TRPM8: variants seen among roughly 807,000 people sequenced by gnomAD.
The protein encoded by TRPM8 is transient receptor potential cation channel subfamily M member 8, also known as TRPM8 cationic channel.
In TRPM8, 110 loss-of-function variants were observed where a neutral mutation model predicts 133.7. That is an observed-to-expected ratio of 0.82 (90% confidence interval 0.70 to 0.96). The LOEUF (loss-of-function observed/expected upper bound fraction) is 0.96, where lower values mean the gene tolerates loss of function less well. Ranked by LOEUF, TRPM8 falls within the 40% of genes least tolerant of loss-of-function variation. TRPM8 has a pLI of 0.00. For synonymous variants in TRPM8, 535 were observed against 532.3 expected (o/e 1.01, Z -0.07); for missense variants, 1,291 against 1,379.5 (o/e 0.94, Z 1.02).
rs543629270 is a variant in TRPM8 at position 234,000,739 on chromosome 2, C to T, written c.3130+4223C>T. Among the ~76,000 whole-genome samples, 28 of 151,184 alleles carry T rather than the reference C, an allele frequency of 1.9e-4. No individual in the cohort carries two copies. In the South Asian group the frequency reaches 5.4e-3, roughly 29 times the overall value. On this transcript the variant is annotated intron_variant, in intron 22 of 25. Coordinates refer to ENST00000324695, the MANE Select transcript of TRPM8 (RefSeq NM_024080.5). Reference sequence around the variant, plus strand: ...TGTCCCCCAGGCTGGAGTGCAGTGGCGCAGTCTCGGCTCTCTGAAACCTCC... The same window carrying T: ...TGTCCCCCAGGCTGGAGTGCAGTGGTGCAGTCTCGGCTCTCTGAAACCTCC...
chr2:233,987,654 C>T (rs149485596), intron 21 of TRPM8, among the ~76,000 whole-genome samples: 1 of 152,308 alleles, frequency 6.6e-6, no homozygotes, highest in East Asian at 1.9e-4. Flanking sequence ...AGTGATGTTT[C>T]TAAAACATCA....
chr2:233,942,498 A>G (rs1324293377), intron 5 of TRPM8, 78 bp from the exon 6 acceptor site: 3 of 1,468,522 alleles, frequency 2.0e-6, no homozygotes, highest in Non-Finnish European at 2.9e-6. Context: ...TGGGGCCTTT[A>G]TTTTAGGGGT....
chr2:233,953,810 T>C lies in TRPM8; in HGVS notation c.1141-107T>C, dbSNP rs1213166755. ...CAGAAATGAGAAGCTGATCCGGAAC[T>C]CCACTACAGGTGGTCTTTTTAAAAA... On this transcript the variant is annotated intron_variant, in intron 9 of 25. Coordinates refer to ENST00000324695, the MANE Select transcript of TRPM8 (RefSeq NM_024080.5). 7.8e-5 allele frequency: 56 copies of C among 718,132 alleles called. 1 individual carries two copies. 44.5% of individuals were successfully genotyped at this position (718,132 alleles called of 1,614,324 possible).
At position 233,985,737 on chromosome 2, in the gene TRPM8, G is replaced by T. The variant is rs1692130563; in HGVS notation, c.2811G>T (p.Lys937Asn). 1 of 1,614,096 alleles carries T rather than the reference G, an allele frequency of 6.2e-7. No homozygotes were observed. Among genetic ancestry groups the T allele is most frequent in the Non-Finnish European group, 8.5e-7 (1 of 1,180,054 alleles). The change falls in exon 21 of 26, where the codon AAG (lysine) becomes AAT (asparagine). Residue 937 changes from lysine (K) to asparagine (N), a missense_variant. By Grantham distance (94) the Lys-to-Asn change is moderately conservative. This residue lies in a region of TRPM8 where 328 missense variants were observed against 410.6 expected (regional missense o/e 0.80). Coordinates refer to ENST00000324695, the MANE Select transcript of TRPM8 (RefSeq NM_024080.5). Reference protein sequence around the residue: ...AHCTFTGNESKPLCVELDEHN... With the variant: ...AHCTFTGNESNPLCVELDEHN... Reference sequence around the variant, plus strand: ...GCACCTTCACTGGGAATGAGTCCAAGCCACTGTGTGTGGAGCTGGATGAGC... The same window carrying T: ...GCACCTTCACTGGGAATGAGTCCAATCCACTGTGTGTGGAGCTGGATGAGC...
At chr2:233,974,285 G>T (rs1309848846) in intron 17 of TRPM8, among the ~76,000 whole-genome samples, 1 of 152,102 alleles carries the variant, frequency 6.6e-6, no homozygotes, top group Middle Eastern at 3.2e-3. Flanking sequence ...CCGGGCTGGA[G>T]TGCAATGGCG....
intron 12 of TRPM8, among the ~76,000 whole-genome samples, chr2:233,961,630 CTTTTTT>C (rs57935574): frequency 9.0e-6 from 1 of 111,662 alleles, no homozygotes; most frequent in South Asian, 2.8e-4. Flanking sequence ...CTTTTCTTTT[CTTTTTT>C]TTTTTTTTTT....
At chr2:233,956,494 C>T (rs148541583) in intron 11 of TRPM8, among the ~76,000 whole-genome samples, 11 of 152,238 alleles carry the variant, frequency 7.2e-5, no homozygotes, top group African/African-American at 2.4e-4. Flanking sequence ...TTTTATAAGG[C>T]TGCTTCTTTG....
chr2:233,941,342 G>A (rs549501687), intron 5 of TRPM8, among the ~76,000 whole-genome samples: 141 of 152,316 alleles, frequency 9.3e-4, no homozygotes, highest in African/African-American at 3.2e-3. Context: ...CTGTCTAGAG[G>A]AAGGAGACTG....
intron 4 of TRPM8, among the ~76,000 whole-genome samples, chr2:233,937,891 G>A (rs900486838): frequency 2.6e-5 from 4 of 152,190 alleles, no homozygotes; most frequent in African/African-American, 9.7e-5. Flanking sequence ...CATACTCACT[G>A]TGCAAGCTCT....
chr2:233,930,433 A>C (rs1691657282), intron 2 of TRPM8, among the ~76,000 whole-genome samples: 1 of 152,102 alleles, frequency 6.6e-6, no homozygotes, highest in Non-Finnish European at 1.5e-5. Context: ...TATAAATAAG[A>C]TAAGTCCAAA....
intron 21 of TRPM8, among the ~76,000 whole-genome samples, chr2:233,995,353 G>A (rs780648489): frequency 1.1e-4 from 17 of 152,228 alleles, no homozygotes; most frequent in Non-Finnish European, 2.2e-4. Context: ...ATTTGTAACA[G>A]AGAAATCCTT....
At chr2:233,931,387 C>T (rs4663341) in intron 3 of TRPM8, among the ~76,000 whole-genome samples, 18,182 of 152,192 alleles carry the variant, frequency 0.12, 2,739 homozygotes, top group East Asian at 0.49. Flanking sequence ...CCCTTCCTTT[C>T]TGTTGGCTGG....
chr2:233,984,077 A>G (rs1423389859), intron 20 of TRPM8, among the ~76,000 whole-genome samples: 1 of 151,674 alleles, frequency 6.6e-6, no homozygotes, highest in Non-Finnish European at 1.5e-5. Context: ...CCTCATAACA[A>G]CCCTCCACGT....
rs116826246 is a variant in TRPM8, at chr2:233,934,442, A to G, written c.192-2911A>G. 8.0e-3 allele frequency among the ~76,000 whole-genome samples: 1,226 copies of G among 152,360 alleles called. 14 individuals carry two copies. The highest frequency in any genetic ancestry group is 0.028 in the African/African-American group (1,164 of 41,586). On this transcript the variant is annotated intron_variant, in intron 3 of 25. Transcript: ENST00000324695. ...CTTCCCATCCTTGAGCCTGTCAATT[A>G]TGAACATTTCCACAATTCAGTTATA...
chr2:233,962,258 G>A (rs994944622), intron 12 of TRPM8, among the ~76,000 whole-genome samples: 1 of 152,104 alleles, frequency 6.6e-6, no homozygotes, highest in Admixed American at 6.5e-5. Flanking sequence ...GTAACTCTTT[G>A]CCGAAAGTTT....
At chr2:233,997,668 C>T (rs973144623) in intron 22 of TRPM8, among the ~76,000 whole-genome samples, 1 of 151,954 alleles carries the variant, frequency 6.6e-6, no homozygotes, top group Non-Finnish European at 1.5e-5. Context: ...TCTGGTGGCT[C>T]CCCCCTACCC....
chr2:233,983,109 C>T lies in TRPM8; in HGVS notation c.2646C>T (p.Gly882=), dbSNP rs144605883. The part of the protein sequence containing the change: ...FLFAVWMVAF[G]VARQGILRQN... ...TTGCGGTGTGGATGGTGGCCTTTGGCGTGGCCAGGCAAGGGATCCTTAGGC... is the reference window on the plus strand; with the variant it reads ...TTGCGGTGTGGATGGTGGCCTTTGGTGTGGCCAGGCAAGGGATCCTTAGGC... Residue 882 remains glycine, a synonymous_variant, in exon 20 of 26, where the codon GGC becomes GGT. Transcript: ENST00000324695. 39 of 1,614,028 alleles carry T rather than the reference C, an allele frequency of 2.4e-5. No individual in the cohort carries two copies. Among genetic ancestry groups the T allele is most frequent in the Non-Finnish European group, 2.9e-5 (34 of 1,180,020 alleles).
intron 3 of TRPM8, among the ~76,000 whole-genome samples, chr2:233,931,951 G>T (rs1442138761): frequency 6.6e-6 from 1 of 152,236 alleles, no homozygotes; most frequent in Non-Finnish European, 1.5e-5. Flanking sequence ...TTTACCCATG[G>T]TCACATGTGC....
chr2:233,957,245 A>G (rs1266984197), intron 11 of TRPM8, among the ~76,000 whole-genome samples: 1 of 152,088 alleles, frequency 6.6e-6, no homozygotes, highest in Non-Finnish European at 1.5e-5. Flanking sequence ...CAGCACTTTG[A>G]GAGGCCAAGG....
Sources: allele counts gnomAD v4.1 joint callset (sites outside exome capture counted in the v4.1 genomes callset), GRCh38; gene constraint gnomAD v4.1.1; regional missense constraint gnomAD v4.1.1; transcripts MANE v1.5; gene names NCBI Gene and HGNC (gene_info 2026-07-23, HGNC 2026-07-21).